Variants in CDC42BPA observed in about 807,000 individuals in gnomAD.
CDC42BPA encodes CDC42 binding protein kinase alpha.
In CDC42BPA, 80 loss-of-function variants were observed where a neutral mutation model predicts 223.5. The observed-to-expected ratio is 0.36, with a 90% CI of 0.30 to 0.43. The LOEUF (loss-of-function observed/expected upper bound fraction) is 0.43. Among genes scored for constraint, CDC42BPA ranks in the 20% least tolerant of loss-of-function variants. CDC42BPA has a pLI of 1.00. For synonymous variants in CDC42BPA, 694 were observed against 718.6 expected (o/e 0.97, Z 0.55); for missense variants, 1,743 against 2,099.9 (o/e 0.83, Z 3.32).
intron 17 of CDC42BPA, among the ~76,000 whole-genome samples, chr1:227,078,325 A>C (rs1043336628): frequency 6.6e-6 from 1 of 152,170 alleles, no homozygotes; most frequent in Non-Finnish European, 1.5e-5. Context: ...TTTAAGTCTC[A>C]TAAGTTATCT....
chr1:227,041,774 A>G (rs996738391), intron 23 of CDC42BPA, among the ~76,000 whole-genome samples: 4 of 152,178 alleles, frequency 2.6e-5, no homozygotes, highest in African/African-American at 7.2e-5. Flanking sequence ...GGTCAGTTTC[A>G]AAGCAGCACT....
chr1:227,016,851 T>A, intron 33 of CDC42BPA, 76 bp downstream of exon 33: 1 of 1,390,284 alleles, frequency 7.2e-7, no homozygotes, highest in East Asian at 2.6e-5. Context: ...TCCTTCCAAA[T>A]CAAATATAGT....
chr1:227,011,254 C>CAA (rs769201343), intron 34 of CDC42BPA, among the ~76,000 whole-genome samples: 1 of 151,968 alleles, frequency 6.6e-6, no homozygotes, highest in East Asian at 1.9e-4. Context: ...AGTTGATTTG[C>CAA]AAAAGATCAT....
At position 227,018,063 on chromosome 1, in the gene CDC42BPA, T is replaced by TTATC. The variant is rs1558293260; in HGVS notation, c.4616-1014_4616-1013insGATA. Among the ~76,000 whole-genome samples the TTATC allele has an allele frequency of 2.3e-3, 191 of 84,574 alleles. 1 individual carries two copies. Among genetic ancestry groups the TTATC allele is most frequent in the South Asian group, 0.015 (38 of 2,568 alleles). The allele number at this position is 84,574 out of a possible 152,430, so 55.5% of individuals were successfully genotyped here. On this transcript the variant is annotated intron_variant, in intron 32 of 36. Coordinates refer to ENST00000366766, the MANE Select transcript of CDC42BPA (RefSeq NM_001394014.1). ...TATTATTATTATTATTATTATTTATTTGAGGCAGGGTCTTGCTCTGTTGCC... is the reference window on the plus strand; with the variant it reads ...TATTATTATTATTATTATTATTTATTTATCTGAGGCAGGGTCTTGCTCTGTTGCC...
chr1:227,020,224 AT>A (rs1667122926), intron 32 of CDC42BPA, among the ~76,000 whole-genome samples: 5 of 152,086 alleles, frequency 3.3e-5, no homozygotes, highest in Admixed American at 3.3e-4. Flanking sequence ...AGGGCCTAGG[AT>A]TTTTTCAAAT....
rs370050361 is a variant in CDC42BPA at position 227,139,617 on chromosome 1, C to T, written c.1349G>A (p.Arg450His). The T allele has an allele frequency of 6.2e-6, 10 of 1,606,824 alleles. No homozygotes were observed. Among genetic ancestry groups the T allele is most frequent in the South Asian group, 3.4e-5 (3 of 89,272 alleles). Residue 450 changes from arginine to histidine, a missense_variant, in exon 10 of 37, where the codon CGC (arginine) becomes CAC (histidine). Physicochemically the swap from Arg to His is conservative, Grantham distance 29 (BLOSUM62 0). Around this residue, in one of 6 missense-constraint regions of CDC42BPA, gnomAD observed 464 missense variants for 488.0 expected, o/e 0.95. Coordinates refer to ENST00000366766, the MANE Select transcript of CDC42BPA (RefSeq NM_001394014.1). ...GAGTTCAAGTTTTTCTTGCTCAAGG[C>T]GCTTAATTCTTCTTTCATAAGCTTC... ...ATEAYERRIKRLEQEKLELSR... is the reference protein window; with the variant it reads ...ATEAYERRIKHLEQEKLELSR...
intron 34 of CDC42BPA, chr1:227,011,096 A>T (rs750272218): frequency 1.6e-6 from 2 of 1,221,154 alleles, no homozygotes. Flanking sequence ...GAAAAAAGGC[A>T]ATAAGGTGAT....
chr1:227,119,754 C>A, intron 12 of CDC42BPA, 50 bp downstream of exon 12: 7 of 1,247,540 alleles, frequency 5.6e-6, no homozygotes, highest in South Asian at 1.5e-5. Context: ...TCTTATTATA[C>A]AAGATTCAAA....
At chr1:227,003,501 G>A (rs1199949442) in intron 35 of CDC42BPA, among the ~76,000 whole-genome samples, 2 of 152,120 alleles carry the variant, frequency 1.3e-5, no homozygotes, top group Non-Finnish European at 2.9e-5. Context: ...ATCTACAATC[G>A]CACTGCTTAT....
intron 1 of CDC42BPA, among the ~76,000 whole-genome samples, chr1:227,300,366 A>T (rs986562150): frequency 2.0e-5 from 3 of 152,198 alleles, no homozygotes; most frequent in Non-Finnish European, 2.9e-5. Context: ...ACCTGCACAC[A>T]TATGTTTATT....
chr1:227,068,812 C>T (rs576564404), intron 21 of CDC42BPA: 22 of 235,558 alleles, frequency 9.3e-5, no homozygotes, highest in African/African-American at 4.5e-4. Flanking sequence ...GACATTAATT[C>T]AAATAAATAA....
At chr1:227,175,909 G>C (rs1206933155) in intron 5 of CDC42BPA, among the ~76,000 whole-genome samples, 1 of 152,104 alleles carries the variant, frequency 6.6e-6, no homozygotes. Flanking sequence ...GCTACGTGCT[G>C]GTCACTGTTT....
At chr1:227,145,885 A>T in intron 7 of CDC42BPA, 148 bp from the exon 8 acceptor site, 1 of 583,626 alleles carries the variant, frequency 1.7e-6, no homozygotes. Context: ...CTAAAGGAAT[A>T]CAGGGATGAA....
In CDC42BPA at chr1:227,317,285, TG is replaced by T. The variant is rs1490784657; in HGVS notation, c.-104del. On this transcript the variant is annotated 5_prime_UTR_variant, in exon 1 of 37. An upstream open reading frame in the 5' UTR loses its in-frame stop. Transcript: ENST00000366766. ...GGTATGGTTTTAAAAATAAACCACT[TG>T]TTATTCAAACAACTGTCATGCAATG... The T allele has an allele frequency of 4.8e-6, 6 of 1,252,158 alleles. No individual in the cohort carries two copies. In the Admixed American group the frequency reaches 1.5e-4, roughly 32 times the overall value. 77.6% of individuals were successfully genotyped at this position (1,252,158 alleles called of 1,614,324 possible).
intron 24 of CDC42BPA, among the ~76,000 whole-genome samples, chr1:227,039,461 A>G (rs1670936702): frequency 1.3e-5 from 2 of 152,242 alleles, no homozygotes; most frequent in Admixed American, 1.3e-4. Flanking sequence ...AACATTTAAA[A>G]AAATATATGT....
At chr1:227,149,032 C>T (rs944090914) in intron 6 of CDC42BPA, among the ~76,000 whole-genome samples, 11 of 152,024 alleles carry the variant, frequency 7.2e-5, no homozygotes, top group Non-Finnish European at 1.3e-4. Context: ...AAGACCTTAT[C>T]CTTAGCTTAC....
chr1:227,168,662 A>T (rs1487921319), intron 5 of CDC42BPA, among the ~76,000 whole-genome samples: 2 of 150,800 alleles, frequency 1.3e-5, no homozygotes, highest in African/African-American at 4.9e-5. Flanking sequence ...CGTCCGGCTA[A>T]TTTTTTTTGT....
intron 6 of CDC42BPA, among the ~76,000 whole-genome samples, chr1:227,156,124 TTTTTTTG>T (rs370085216): frequency 0.081 from 7,554 of 92,878 alleles, 290 homozygotes; most frequent in Non-Finnish European, 0.12. Flanking sequence ...ATTATAGTTT[TTTTTTTG>T]TTTTTATTTA....
intron 21 of CDC42BPA, chr1:227,059,280 A>T (rs1262409062): frequency 5.8e-6 from 6 of 1,038,394 alleles, no homozygotes; most frequent in Non-Finnish European, 8.8e-6. Context: ...AATATACCAC[A>T]AAAACATTAA....
Sources: gnomAD v4.1 joint callset for allele counts (sites outside exome capture counted in the v4.1 genomes callset) on GRCh38, gnomAD v4.1.1 for gene constraint, gnomAD v4.1.1 regional missense constraint, MANE v1.5 for transcripts, NCBI Gene and HGNC (gene_info 2026-07-23, HGNC 2026-07-21) for gene names.